Variants in SPON1 observed in about 807,000 individuals in gnomAD.
SPON1 encodes the protein spondin-1.
SPON1 carries 52 observed loss-of-function variants against 111.7 expected under a neutral mutation model. The ratio of observed to expected loss-of-function variants is 0.47; its 90% CI spans 0.37 to 0.59. SPON1 has a LOEUF of 0.59. Among genes scored for constraint, SPON1 ranks in the 20% least tolerant of loss-of-function variants. The pLI is 0.00. For synonymous variants in SPON1, 410 were observed against 395.8 expected, an observed-to-expected ratio of 1.04 and a Z score of -0.43; for missense variants, 957 against 1,068.5, an observed-to-expected ratio of 0.90 and a Z score of 1.46.
chr11:13,965,159 T>A (rs1848006726), intron 1 of SPON1, among the ~76,000 whole-genome samples: 1 of 152,028 alleles, frequency 6.6e-6, no homozygotes, highest in Admixed American at 6.6e-5. Flanking sequence ...TTTTGAAGAG[T>A]GTTGTGCGTT....
intron 2 of SPON1, among the ~76,000 whole-genome samples, chr11:14,022,871 G>A (rs1848490987): frequency 6.6e-6 from 1 of 152,352 alleles, no homozygotes; most frequent in South Asian, 2.1e-4. Context: ...ACGCTGAGAA[G>A]ACAAAGGTGA....
chr11:14,180,326 T>C (rs1190536316), intron 6 of SPON1, among the ~76,000 whole-genome samples: 2 of 152,194 alleles, frequency 1.3e-5, no homozygotes, highest in Admixed American at 6.5e-5. Flanking sequence ...CCTCTCTACC[T>C]TCATCTTCAT....
chr11:13,964,858 A>T (rs1848004327), intron 1 of SPON1, among the ~76,000 whole-genome samples: 2 of 152,190 alleles, frequency 1.3e-5, no homozygotes, highest in Admixed American at 1.3e-4. Flanking sequence ...CTGAGTTCAC[A>T]GGGGAAACTG....
intron 3 of SPON1, among the ~76,000 whole-genome samples, chr11:14,069,441 C>T (rs1305667034): frequency 6.6e-6 from 1 of 152,156 alleles, no homozygotes; most frequent in Non-Finnish European, 1.5e-5. Context: ...GCCCCTTTCT[C>T]AGTTCTGACC....
rs936200219 is a variant in SPON1, at chr11:14,266,427, G to C, written c.*740G>C. ...AGAGTGTATTTTTCCCTTGCTTTTG[G>C]GGGTTCAGAGGAGTATGTACAATTC... On this transcript the variant is annotated 3_prime_UTR_variant, in exon 16 of 16. Coordinates refer to ENST00000576479, the MANE Select transcript of SPON1 (RefSeq NM_006108.4). 2.8e-4 allele frequency: 43 copies of C among 151,830 alleles called. No homozygotes were observed. The highest frequency in any genetic ancestry group is 1.0e-3 in the African/African-American group (43 of 41,294). The allele number at this position is 151,830 out of a possible 1,614,324, so 9.4% of individuals were successfully genotyped here. A position where few individuals can be genotyped will look rare whatever the true frequency, so the allele number is the denominator to read the frequency against.
Position 14,091,146 on chromosome 11 carries a change from T to C in SPON1, c.676+11125T>C, listed in dbSNP as rs547067348. Among the ~76,000 whole-genome samples the C allele has an allele frequency of 1.0e-3, 156 of 152,158 alleles. 1 individual carries two copies. The highest frequency in any genetic ancestry group is 3.6e-3 in the African/African-American group (151 of 41,504). On this transcript the variant is annotated intron_variant, in intron 5 of 15. Coordinates refer to ENST00000576479, the MANE Select transcript of SPON1 (RefSeq NM_006108.4). ...AGAGCAGCTAGATACAGAGTGTCGA[T>C]TGGTGCACTCACAAACCTTGAGCGA... is the stretch of plus-strand genomic sequence containing the variant.
intron 6 of SPON1, among the ~76,000 whole-genome samples, chr11:14,204,364 C>G (rs1400796290): frequency 6.6e-6 from 1 of 152,208 alleles, no homozygotes; most frequent in Non-Finnish European, 1.5e-5. Flanking sequence ...TGACTGCAGT[C>G]TTGACCTCCC....
chr11:14,196,639 A>G (rs370313932), intron 6 of SPON1, among the ~76,000 whole-genome samples: 23 of 152,288 alleles, frequency 1.5e-4, no homozygotes, highest in African/African-American at 5.5e-4. Context: ...CATGTCTAAA[A>G]TTGTCCCCAG....
At chr11:14,083,152 A>C (rs1412417452) in intron 5 of SPON1, among the ~76,000 whole-genome samples, 1 of 152,232 alleles carries the variant, frequency 6.6e-6, no homozygotes, top group Non-Finnish European at 1.5e-5. Flanking sequence ...TTTTATGAAA[A>C]TACCTATATT....
chr11:14,096,936 T>G (rs1849106307), intron 5 of SPON1, among the ~76,000 whole-genome samples: 1 of 152,234 alleles, frequency 6.6e-6, no homozygotes, highest in Non-Finnish European at 1.5e-5. Flanking sequence ...CAGTTATTAC[T>G]ATAGAATTTT....
intron 4 of SPON1, among the ~76,000 whole-genome samples, chr11:14,076,043 G>C (rs918274126): frequency 6.6e-6 from 1 of 152,102 alleles, no homozygotes; most frequent in African/African-American, 2.4e-5. Context: ...ATCTGCCTCT[G>C]CCCCTTCTAG....
At chr11:14,107,837 G>A (rs1026193275) in intron 5 of SPON1, among the ~76,000 whole-genome samples, 7 of 152,098 alleles carry the variant, frequency 4.6e-5, no homozygotes, top group African/African-American at 1.4e-4. Flanking sequence ...TCAGCACTCC[G>A]CTGAGAGGCA....
chr11:14,137,829 C>T (rs1847610069), intron 6 of SPON1, among the ~76,000 whole-genome samples: 2 of 152,158 alleles, frequency 1.3e-5, no homozygotes, highest in African/African-American at 4.8e-5. Flanking sequence ...ATTCCTCTTG[C>T]CAGCCTCTGA....
intron 6 of SPON1, among the ~76,000 whole-genome samples, chr11:14,199,285 T>C (rs1033495413): frequency 1.3e-5 from 2 of 152,216 alleles, no homozygotes; most frequent in African/African-American, 4.8e-5. Context: ...AATGTCTTCA[T>C]AGTTACATTG....
intron 7 of SPON1, among the ~76,000 whole-genome samples, chr11:14,252,644 T>A (rs1266371014): frequency 6.9e-6 from 1 of 144,592 alleles, no homozygotes; most frequent in Non-Finnish European, 1.5e-5. Flanking sequence ...AGGCAAGACC[T>A]GCGCAGAGTG....
chr11:14,256,920 G>T (rs72632970), intron 10 of SPON1, among the ~76,000 whole-genome samples: 7,952 of 152,156 alleles, frequency 0.052, 283 homozygotes, highest in East Asian at 0.13. Context: ...ACAACATCAG[G>T]CCTTTAAAAC....
intron 6 of SPON1, among the ~76,000 whole-genome samples, chr11:14,147,299 G>T (rs1158386841): frequency 1.3e-5 from 2 of 151,884 alleles, no homozygotes; most frequent in Non-Finnish European, 2.9e-5. Context: ...CTCCCAAAGT[G>T]CTGGGATTAC....
chr11:13,994,719 T>C (rs1848258410), intron 2 of SPON1, among the ~76,000 whole-genome samples: 1 of 152,088 alleles, frequency 6.6e-6, no homozygotes, highest in East Asian at 1.9e-4. Flanking sequence ...CAAACAACAA[T>C]AACAAGAAAA....
At chr11:14,263,170 AAGG>A in intron 15 of SPON1, 195 bp downstream of exon 15, 1 of 602,158 alleles carries the variant, frequency 1.7e-6, no homozygotes, top group Non-Finnish European at 2.8e-6. Context: ...ATAATTTATA[AAGG>A]AGATTGGCGG....
Sources: gnomAD v4.1 joint callset for allele counts (sites outside exome capture counted in the v4.1 genomes callset) on GRCh38, gnomAD v4.1.1 for gene constraint, MANE v1.5 for transcripts, NCBI Gene and HGNC (gene_info 2026-07-23, HGNC 2026-07-21) for gene names.